The following CPEB3 variants were observed in gnomAD, a reference collection of about 807,000 sequenced individuals.
CPEB3 encodes the protein cytoplasmic polyadenylation element binding protein 3.
A neutral mutation model predicts 67.2 loss-of-function variants in CPEB3; 20 were observed. That is an observed-to-expected ratio of 0.30 (90% CI 0.21 to 0.43). CPEB3 has a LOEUF of 0.43. Ranked by LOEUF, CPEB3 falls within the 20% of genes least tolerant of loss-of-function variation. The pLI, the probability that CPEB3 is intolerant of heterozygous loss-of-function variation, is 1.00. For synonymous variants in CPEB3, 376 were observed against 393.1 expected (o/e 0.96, Z 0.51); for missense variants, 746 against 968.6 (o/e 0.77, Z 3.05).
At chr10:92,267,413 T>C (rs889623760) in intron 1 of CPEB3, among the ~76,000 whole-genome samples, 1 of 152,160 alleles carries the variant, frequency 6.6e-6, no homozygotes, top group Non-Finnish European at 1.5e-5. Flanking sequence ...AGAGGGTAAG[T>C]GGACCAGAAG....
intron 4 of CPEB3, among the ~76,000 whole-genome samples, chr10:92,179,314 A>C (rs1848364422): frequency 1.3e-5 from 2 of 152,228 alleles, no homozygotes; most frequent in African/African-American, 4.8e-5. Flanking sequence ...GTTTTTAAAA[A>C]GAAAAATGTC....
At chr10:92,243,704 A>G (rs17107502) in intron 1 of CPEB3, among the ~76,000 whole-genome samples, 2,995 of 152,266 alleles carry the variant, frequency 0.02, 113 homozygotes, top group African/African-American at 0.066. Context: ...GACCATACTT[A>G]AACACTTAAA....
chr10:92,235,277 C>A (rs1447677219), intron 2 of CPEB3, among the ~76,000 whole-genome samples: 1 of 152,156 alleles, frequency 6.6e-6, no homozygotes, highest in African/African-American at 2.4e-5. Context: ...GAAATTCCAT[C>A]TCTACTAAAA....
chr10:92,091,296 T>C (rs796717557), intron 8 of CPEB3, among the ~76,000 whole-genome samples: 1 of 152,222 alleles, frequency 6.6e-6, no homozygotes, highest in South Asian at 2.1e-4. Flanking sequence ...TATACTCCAC[T>C]GGCATTAATA....
chr10:92,281,332 TGATTC>T (rs1842287593), intron 1 of CPEB3, among the ~76,000 whole-genome samples: 1 of 151,540 alleles, frequency 6.6e-6, no homozygotes, highest in Non-Finnish European at 1.5e-5. Context: ...TTGCCTCAAC[TGATTC>T]TCCCATCTTG....
intron 2 of CPEB3, 108 bp from the exon 3 acceptor site, chr10:92,192,744 G>A (rs973821169): frequency 2.7e-6 from 2 of 733,304 alleles, no homozygotes; most frequent in South Asian, 5.2e-5. Flanking sequence ...AAGTTACAGA[G>A]AGCCCCAACA....
At chr10:92,094,412 C>T (rs1843760287) in intron 7 of CPEB3, among the ~76,000 whole-genome samples, 3 of 151,938 alleles carry the variant, frequency 2.0e-5, no homozygotes, top group African/African-American at 7.2e-5. Context: ...ACCATCCTGG[C>T]TAACATGGTG....
chr10:92,137,275 G>T, intron 6 of CPEB3: 1 of 626,466 alleles, frequency 1.6e-6, no homozygotes. Context: ...CAACGTGCAT[G>T]CTGAGGTGCA....
chr10:92,248,070 C>G (rs571593114), intron 1 of CPEB3, among the ~76,000 whole-genome samples: 159 of 152,256 alleles, frequency 1.0e-3, no homozygotes, highest in African/African-American at 3.6e-3. Flanking sequence ...AGTTATTCCT[C>G]GGTATCTTGT....
chr10:92,237,566 T>C (rs553426357), intron 2 of CPEB3, among the ~76,000 whole-genome samples: 8 of 152,226 alleles, frequency 5.3e-5, no homozygotes, highest in Non-Finnish European at 1.2e-4. Flanking sequence ...CAATAGCTAG[T>C]TGTATTCAGA....
At chr10:92,258,192 C>T (rs1387735760) in intron 1 of CPEB3, among the ~76,000 whole-genome samples, 15 of 150,902 alleles carry the variant, frequency 9.9e-5, no homozygotes, top group African/African-American at 2.2e-4. Flanking sequence ...CTCCACCTCC[C>T]GGGTTCATGC....
intron 9 of CPEB3, among the ~76,000 whole-genome samples, chr10:92,054,054 A>G (rs573499073): frequency 5.1e-4 from 78 of 152,278 alleles, no homozygotes; most frequent in Admixed American, 1.2e-3. Context: ...CATTTTTTTC[A>G]TGTGCTTGTT....
chr10:92,110,545 T>C (rs1240416051), intron 7 of CPEB3, among the ~76,000 whole-genome samples: 1 of 152,186 alleles, frequency 6.6e-6, no homozygotes, highest in East Asian at 1.9e-4. Context: ...ACAAACTCTG[T>C]ATTATGGTTT....
At position 92,167,672 on chromosome 10, in the gene CPEB3, C is replaced by T. The variant is rs185185538; in HGVS notation, c.1222+13291G>A. ...CTGTAATCCCAGCACTTTGGGAAGCCGAAGCAGGTGAATCACCTGAGGTCA... is the reference window on the plus strand; with the variant it reads ...CTGTAATCCCAGCACTTTGGGAAGCTGAAGCAGGTGAATCACCTGAGGTCA... On this transcript the variant is annotated intron_variant, in intron 4 of 9. Transcript: ENST00000265997. 1.6e-4 allele frequency among the ~76,000 whole-genome samples: 24 copies of T among 152,110 alleles called. No homozygotes were observed. In the East Asian group the frequency reaches 3.5e-3, roughly 22 times the overall value.
chr10:92,143,224 G>A, intron 5 of CPEB3, 106 bp from the exon 6 acceptor site: 2 of 806,122 alleles, frequency 2.5e-6, no homozygotes, highest in Non-Finnish European at 3.9e-6. Context: ...TGTTTTGAGG[G>A]TTGTTTTCTA....
At chr10:92,174,838 T>C (rs1357911217) in intron 4 of CPEB3, among the ~76,000 whole-genome samples, 1 of 152,160 alleles carries the variant, frequency 6.6e-6, no homozygotes, top group Non-Finnish European at 1.5e-5. Context: ...ATATTGAATC[T>C]CTGTTATATT....
chr10:92,216,884 G>T, intron 2 of CPEB3: 1 of 1,191,766 alleles, frequency 8.4e-7, no homozygotes, highest in Admixed American at 1.9e-5. Flanking sequence ...CCACACTGAC[G>T]GCATCTTCCC....
intron 4 of CPEB3, among the ~76,000 whole-genome samples, chr10:92,174,686 G>A (rs962725184): frequency 2.6e-5 from 4 of 152,178 alleles, no homozygotes; most frequent in African/African-American, 9.6e-5. Context: ...ATAAGGAAGA[G>A]TGAGGGTAAA....
intron 7 of CPEB3, among the ~76,000 whole-genome samples, chr10:92,104,837 T>C (rs1355395561): frequency 6.6e-6 from 1 of 152,182 alleles, no homozygotes; most frequent in Non-Finnish European, 1.5e-5. Context: ...TCTCTCACTT[T>C]GGAAAAGAAA....
Sources: gnomAD v4.1 joint callset for allele counts (sites outside exome capture counted in the v4.1 genomes callset) on GRCh38, gnomAD v4.1.1 for gene constraint, MANE v1.5 for transcripts, NCBI Gene and HGNC (gene_info 2026-07-23, HGNC 2026-07-21) for gene names.